Variants in GRIP1 observed in about 807,000 individuals in gnomAD.
GRIP1 encodes the protein glutamate receptor interacting protein 1.
A neutral mutation model predicts 129.9 loss-of-function variants in GRIP1; 45 were observed. That is an observed-to-expected ratio of 0.35 (90% CI 0.27 to 0.44). The LOEUF (loss-of-function observed/expected upper bound fraction) is 0.44. Ranked by LOEUF, GRIP1 falls within the 20% of genes least tolerant of loss-of-function variation. The probability of loss-of-function intolerance (pLI) is 1.00; values close to 1 mark genes in which losing one functional copy is unlikely to be tolerated. For synonymous variants in GRIP1, 530 were observed against 520.8 expected, an observed-to-expected ratio of 1.02 and a Z score of -0.24; for missense variants, 1,196 against 1,396.8, an observed-to-expected ratio of 0.86 and a Z score of 2.29.
intron 1 of GRIP1, among the ~76,000 whole-genome samples, chr12:66,922,877 T>C (rs2041235964): frequency 6.6e-6 from 1 of 152,218 alleles, no homozygotes; most frequent in African/African-American, 2.4e-5. Flanking sequence ...CCTCTGAGCC[T>C]GGCACACAGT....
chr12:66,460,149 C>T (rs2059092485), intron 9 of GRIP1, among the ~76,000 whole-genome samples: 1 of 152,160 alleles, frequency 6.6e-6, no homozygotes, highest in African/African-American at 2.4e-5. Flanking sequence ...AGAGGTGAAG[C>T]TCTGGACACG....
intron 7 of GRIP1, among the ~76,000 whole-genome samples, chr12:66,485,457 A>G (rs2059928171): frequency 1.3e-5 from 2 of 151,602 alleles, no homozygotes; most frequent in African/African-American, 4.8e-5. Flanking sequence ...ACTAAAAAAT[A>G]ATTTCAAAAT....
intron 1 of GRIP1, among the ~76,000 whole-genome samples, chr12:66,847,118 A>G (rs1198329641): frequency 6.6e-6 from 1 of 152,204 alleles, no homozygotes; most frequent in Non-Finnish European, 1.5e-5. Context: ...AAACCAAGGC[A>G]AAACAGCATT....
chr12:66,472,709 G>C (rs973449740), intron 7 of GRIP1, among the ~76,000 whole-genome samples: 14 of 152,148 alleles, frequency 9.2e-5, no homozygotes, highest in African/African-American at 3.1e-4. Context: ...GCCTCACCCA[G>C]GAAGCACAAG....
chr12:66,879,286 G>A (rs2040434353), intron 1 of GRIP1, among the ~76,000 whole-genome samples: 1 of 151,800 alleles, frequency 6.6e-6, no homozygotes, highest in African/African-American at 2.4e-5. Flanking sequence ...AAAAAAAGTG[G>A]AGGCAACAGT....
chr12:66,385,108 T>C (rs75033729), intron 19 of GRIP1, among the ~76,000 whole-genome samples: 13,016 of 152,208 alleles, frequency 0.086, 1,472 homozygotes, highest in African/African-American at 0.25. Flanking sequence ...GATAATGAAA[T>C]TTTTTTTGTT....
chr12:66,430,243 A>G (rs1240092112), intron 14 of GRIP1, among the ~76,000 whole-genome samples: 16 of 152,176 alleles, frequency 1.1e-4, no homozygotes, highest in Non-Finnish European at 1.5e-5. Flanking sequence ...CTGCTTTGTC[A>G]TCTGGCAAAA....
At chr12:66,736,002 G>A (rs898606164) in intron 1 of GRIP1, among the ~76,000 whole-genome samples, 7 of 152,258 alleles carry the variant, frequency 4.6e-5, no homozygotes, top group Admixed American at 2.6e-4. Context: ...CCCAGGAGAA[G>A]AAGAGAAGGT....
intron 11 of GRIP1, among the ~76,000 whole-genome samples, chr12:66,446,918 C>G (rs2058646433): frequency 6.6e-6 from 1 of 152,220 alleles, no homozygotes; most frequent in East Asian, 1.9e-4. Context: ...TTAGCCATCT[C>G]TCCCACTTCC....
rs556204887 is a variant in GRIP1, at chr12:66,454,335, A to T, written c.1354+1074T>A. Among the ~76,000 whole-genome samples, 7 of 152,298 alleles carry T rather than the reference A, an allele frequency of 4.6e-5. No homozygotes were observed. The South Asian group carries it at 8.3e-4, about 18-fold the overall frequency. ...TTGGTTTTATTTAAGTAACTTAAGG[A>T]TGTTCCTTATTTTTATTCCCATGGT... On this transcript the variant is annotated intron_variant, in intron 11 of 24. Transcript: ENST00000359742.
chr12:66,385,162 G>A (rs1279300051), intron 19 of GRIP1, among the ~76,000 whole-genome samples: 1 of 152,152 alleles, frequency 6.6e-6, no homozygotes, highest in Non-Finnish European at 1.5e-5. Context: ...TATAATATTG[G>A]AAACTACATT....
intron 1 of GRIP1, among the ~76,000 whole-genome samples, chr12:67,030,641 T>C (rs1269372109): frequency 2.6e-5 from 4 of 152,218 alleles, no homozygotes; most frequent in Non-Finnish European, 5.9e-5. Flanking sequence ...TCACCAAACC[T>C]TCTGAGAACA....
At chr12:66,957,143 G>A (rs1030017921) in intron 1 of GRIP1, among the ~76,000 whole-genome samples, 1 of 152,042 alleles carries the variant, frequency 6.6e-6, no homozygotes, top group Non-Finnish European at 1.5e-5. Context: ...TCACTAGGAA[G>A]GTTCCCAATC....
At chr12:66,639,114 G>A (rs2031688618) in intron 1 of GRIP1, among the ~76,000 whole-genome samples, 1 of 152,094 alleles carries the variant, frequency 6.6e-6, no homozygotes, top group Admixed American at 6.6e-5. Flanking sequence ...ATACATATGT[G>A]TAAATATTAT....
intron 23 of GRIP1, among the ~76,000 whole-genome samples, chr12:66,357,432 G>A (rs1405836933): frequency 6.6e-6 from 1 of 152,164 alleles, no homozygotes; most frequent in African/African-American, 2.4e-5. Context: ...GGGACTGGGG[G>A]CAGGAACAGT....
At chr12:66,941,838 G>A (rs911088181) in intron 1 of GRIP1, among the ~76,000 whole-genome samples, 3 of 152,120 alleles carry the variant, frequency 2.0e-5, no homozygotes, top group African/African-American at 7.2e-5. Context: ...CTATTCAGTG[G>A]AGGATTGTTT....
At chr12:67,002,937 A>G (rs2042573353) in intron 1 of GRIP1, among the ~76,000 whole-genome samples, 1 of 152,166 alleles carries the variant, frequency 6.6e-6, no homozygotes, top group Non-Finnish European at 1.5e-5. Flanking sequence ...TCCCCTGCCC[A>G]GCAGCACCTT....
intron 1 of GRIP1, among the ~76,000 whole-genome samples, chr12:67,051,583 T>C (rs11176554): frequency 0.022 from 3,369 of 152,264 alleles, 132 homozygotes; most frequent in African/African-American, 0.077. Context: ...GTTGAAAGAT[T>C]CAGCTGAACT....
intron 1 of GRIP1, among the ~76,000 whole-genome samples, chr12:66,917,856 G>A (rs770785572): frequency 2.0e-5 from 3 of 151,682 alleles, no homozygotes; most frequent in Admixed American, 6.6e-5. Context: ...ATTACACTCC[G>A]CCATCTATCT....
Sources: gnomAD v4.1 joint callset for allele counts (sites outside exome capture counted in the v4.1 genomes callset) on GRCh38, gnomAD v4.1.1 for gene constraint, MANE v1.5 for transcripts, NCBI Gene and HGNC (gene_info 2026-07-23, HGNC 2026-07-21) for gene names.